NBAS: variants seen among roughly 807,000 people sequenced by gnomAD.
NBAS encodes the protein NBAS subunit of NRZ tethering complex, also known as NAG/BC035112 fusion.
Under a neutral mutation model 302.5 loss-of-function variants are expected in NBAS, and 219 were observed. The ratio of observed to expected loss-of-function variants is 0.72; its 90% CI spans 0.65 to 0.81. The LOEUF (loss-of-function observed/expected upper bound fraction) is 0.81, where lower values mean the gene tolerates loss of function less well. NBAS is among the 30% of genes least tolerant of loss of function. NBAS has a pLI of 0.00. For synonymous variants in NBAS, 1,118 were observed against 1,021.6 expected (o/e 1.09, Z -1.80); for missense variants, 2,932 against 2,841.6 (o/e 1.03, Z -0.72).
At chr2:15,439,118 AC>A (rs1169415497) in intron 21 of NBAS, among the ~76,000 whole-genome samples, 1 of 151,840 alleles carries the variant, frequency 6.6e-6, no homozygotes, top group Non-Finnish European at 1.5e-5. Flanking sequence ...ACACGGTGAA[AC>A]CCCGTCTCTA....
At chr2:15,087,316 T>C in the NBAS span, among the ~76,000 whole-genome samples, 44 of 152,258 alleles carry the variant, frequency 2.9e-4, no homozygotes, top group African/African-American at 9.4e-4. Flanking sequence ...GTTGTTCTCA[T>C]CCATTTATTA....
chr2:15,298,792 C>T (rs537561744), intron 40 of NBAS, among the ~76,000 whole-genome samples: 7 of 152,148 alleles, frequency 4.6e-5, no homozygotes, highest in South Asian at 2.1e-4. Flanking sequence ...AGCATTTTCA[C>T]GTGATTTTCA....
rs1160729439 is a variant in NBAS, at chr2:15,415,470, T to C, written c.2937+76A>G. On this transcript the variant is annotated intron_variant, in intron 25 of 51. Coordinates refer to ENST00000281513, the MANE Select transcript of NBAS (RefSeq NM_015909.4). ...GGGAAATTATCTGCAAAGCCTACCA[T>C]AAAAATTGTATAAATAAAACCTAAT... is the stretch of plus-strand genomic sequence containing the variant. 6 of 1,325,218 alleles carry C rather than the reference T, an allele frequency of 4.5e-6. No homozygotes were observed. In the East Asian group the frequency reaches 9.2e-5, roughly 20 times the overall value. 82.1% of individuals were successfully genotyped at this position (1,325,218 alleles called of 1,614,324 possible).
At chr2:14,813,437 C>A in the NBAS span, among the ~76,000 whole-genome samples, 3 of 152,102 alleles carry the variant, frequency 2.0e-5, no homozygotes, top group Non-Finnish European at 4.4e-5. Flanking sequence ...AAAAATCATC[C>A]TCGTTATGTT....
chr2:15,455,997 A>C (rs922230233), intron 21 of NBAS, among the ~76,000 whole-genome samples: 5 of 152,160 alleles, frequency 3.3e-5, no homozygotes, highest in African/African-American at 4.8e-5. Context: ...GGAAGCTAAC[A>C]AAGACTGCAA....
At chr2:15,507,049 T>C (rs755421763) in intron 10 of NBAS, among the ~76,000 whole-genome samples, 4 of 152,196 alleles carry the variant, frequency 2.6e-5, no homozygotes, top group Non-Finnish European at 4.4e-5. Context: ...GGATGGTAGC[T>C]AGAGGGCAAA....
At chr2:15,508,565 T>TTCAATGTACAGAAA (rs1339871200) in intron 10 of NBAS, among the ~76,000 whole-genome samples, 17 of 152,330 alleles carry the variant, frequency 1.1e-4, no homozygotes, top group Non-Finnish European at 1.9e-4. Flanking sequence ...TTGAAATGAT[T>TTCAATGTACAGAAA]GTACAATGAA....
At chr2:14,968,051 C>G in the NBAS span, among the ~76,000 whole-genome samples, 3 of 152,184 alleles carry the variant, frequency 2.0e-5, no homozygotes, top group South Asian at 6.2e-4. Flanking sequence ...CTTTCCTACT[C>G]TCTCGGGCCA....
chr2:15,143,791 G>C, the NBAS span, among the ~76,000 whole-genome samples: 1 of 152,038 alleles, frequency 6.6e-6, no homozygotes, highest in South Asian at 2.1e-4. Context: ...TAATCTGAGT[G>C]GGCACCATCT....
chr2:14,809,921 C>T, the NBAS span, among the ~76,000 whole-genome samples: 150 of 152,312 alleles, frequency 9.8e-4, no homozygotes, highest in Middle Eastern at 3.4e-3. Context: ...CGGAGCCAAA[C>T]GAGATCATTT....
chr2:15,486,941 A>G (rs1680652822), intron 12 of NBAS, among the ~76,000 whole-genome samples: 1 of 151,978 alleles, frequency 6.6e-6, no homozygotes, highest in African/African-American at 2.4e-5. Context: ...AAGTCTCTGG[A>G]TTTTCAGTAA....
chr2:14,855,254 G>C, the NBAS span, among the ~76,000 whole-genome samples: 1 of 152,046 alleles, frequency 6.6e-6, no homozygotes, highest in Non-Finnish European at 1.5e-5. Flanking sequence ...CTTATGCAAT[G>C]AATAACCAGC....
rs144268432 is a variant in NBAS, at chr2:15,461,759, C to T, written c.2130G>A (p.Gln710=). Residue 710 remains glutamine, a synonymous_variant, in exon 20 of 52, where the codon CAG becomes CAA. Coordinates refer to ENST00000281513, the MANE Select transcript of NBAS (RefSeq NM_015909.4). ...EILGVPHASE[Q]RYDAEFFKKF... ...TCTTAAAGAATTCAGCATCATATCTCTGTTCAGATGCATGAGGCACTCCTA... is the reference window on the plus strand; with the variant it reads ...TCTTAAAGAATTCAGCATCATATCTTTGTTCAGATGCATGAGGCACTCCTA... The T allele has an allele frequency of 1.4e-3, 2,200 of 1,607,134 alleles. 20 individuals are homozygous for T. The African/African-American group carries it at 0.025, about 19-fold the overall frequency.
At chr2:15,405,447 T>G (rs1353864803) in intron 25 of NBAS, among the ~76,000 whole-genome samples, 1 of 152,208 alleles carries the variant, frequency 6.6e-6, no homozygotes, top group African/African-American at 2.4e-5. Context: ...CACTTTTTTT[T>G]CATTATTCCT....
chr2:15,276,048 G>A (rs141170984), intron 43 of NBAS, among the ~76,000 whole-genome samples: 16 of 152,250 alleles, frequency 1.1e-4, no homozygotes, highest in African/African-American at 3.9e-4. Context: ...CATCTTCTGT[G>A]TGCCTCCATC....
At chr2:15,179,446 G>A (rs1015842576) in intron 50 of NBAS, 10 of 303,062 alleles carry the variant, frequency 3.3e-5, no homozygotes, top group Non-Finnish European at 6.4e-5. Flanking sequence ...TAAAATGTAT[G>A]TATTTATAGC....
At chr2:14,990,542 T>C in the NBAS span, among the ~76,000 whole-genome samples, 99 of 152,310 alleles carry the variant, frequency 6.5e-4, no homozygotes, top group African/African-American at 2.1e-3. Flanking sequence ...TTACAGTAAG[T>C]ATTATGCTTT....
At chr2:14,965,380 G>A in the NBAS span, among the ~76,000 whole-genome samples, 45 of 152,160 alleles carry the variant, frequency 3.0e-4, no homozygotes, top group Non-Finnish European at 3.8e-4. Context: ...AGGATAATTC[G>A]AAAAGGTTAA....
chr2:14,884,630 A>C, the NBAS span, among the ~76,000 whole-genome samples: 1 of 152,176 alleles, frequency 6.6e-6, no homozygotes, highest in Non-Finnish European at 1.5e-5. Context: ...TGCATGCCCT[A>C]ATCTAGCACT....
Sources: allele counts gnomAD v4.1 joint callset (sites outside exome capture counted in the v4.1 genomes callset), GRCh38; gene constraint gnomAD v4.1.1; transcripts MANE v1.5; gene names NCBI Gene and HGNC (gene_info 2026-07-23, HGNC 2026-07-21).